Variants in RALGPS2 observed in about 807,000 individuals in gnomAD.
RALGPS2 encodes the protein Ral GEF with PH domain and SH3 binding motif 2.
Under a neutral mutation model 86.8 loss-of-function variants are expected in RALGPS2, and 43 were observed. That is an observed-to-expected ratio of 0.50 (90% CI 0.39 to 0.64). The LOEUF is 0.64. Among genes scored for constraint, RALGPS2 ranks in the 30% least tolerant of loss-of-function variants. The pLI, the probability that RALGPS2 is intolerant of heterozygous loss-of-function variation, is 0.00. For missense variants in RALGPS2, 536 were observed against 694.6 expected (o/e 0.77, Z 2.57); for synonymous variants, 243 against 231.3 (o/e 1.05, Z -0.46).
intron 11 of RALGPS2, 127 bp from the exon 12 acceptor site, chr1:178,884,949 T>C (rs1275446603): frequency 5.4e-6 from 5 of 919,390 alleles, no homozygotes; most frequent in Non-Finnish European, 6.1e-6. Context: ...ATATTTCTCA[T>C]CTTCAAGCCA....
intron 7 of RALGPS2, among the ~76,000 whole-genome samples, chr1:178,832,370 T>C (rs1044722215): frequency 2.0e-5 from 3 of 152,154 alleles, no homozygotes; most frequent in Admixed American, 6.5e-5. Context: ...GTACTACTTA[T>C]AATACTAGAA....
chr1:178,762,935 A>G (rs957666907), intron 1 of RALGPS2, among the ~76,000 whole-genome samples: 1 of 151,992 alleles, frequency 6.6e-6, no homozygotes, highest in Non-Finnish European at 1.5e-5. Context: ...CCAGAATGGT[A>G]TTTCCTAGGT....
intron 5 of RALGPS2, among the ~76,000 whole-genome samples, chr1:178,810,807 G>C (rs1005542229): frequency 6.6e-6 from 1 of 151,896 alleles, no homozygotes; most frequent in African/African-American, 2.4e-5. Flanking sequence ...ACTATATTCT[G>C]TATTTAGATT....
chr1:178,881,495 T>G (rs1659245589), intron 10 of RALGPS2, among the ~76,000 whole-genome samples: 2 of 152,132 alleles, frequency 1.3e-5, no homozygotes, highest in South Asian at 2.1e-4. Flanking sequence ...TGTTTCCCAG[T>G]TTGGAGGGCA....
chr1:178,743,246 A>G (rs578015014), intron 1 of RALGPS2, among the ~76,000 whole-genome samples: 147 of 152,306 alleles, frequency 9.7e-4, no homozygotes, highest in African/African-American at 3.4e-3. Flanking sequence ...GTGGGATACT[A>G]TTGAAGTAGA....
intron 8 of RALGPS2, among the ~76,000 whole-genome samples, chr1:178,844,999 G>A (rs1656797984): frequency 6.6e-6 from 1 of 151,316 alleles, no homozygotes; most frequent in African/African-American, 2.4e-5. Context: ...GGCCAACATG[G>A]CAAAACCACG....
Position 178,764,162 on chromosome 1 carries a change from GTA to G in RALGPS2, c.-83-12514_-83-12513del, listed in dbSNP as rs1429479172. ...CTGGCTGCTCCTGTTTTGGGTGTGTGTATATATTTAGAATAGTTAGGTCTTGT... is the reference window on the plus strand; with the variant it reads ...CTGGCTGCTCCTGTTTTGGGTGTGTGTATATTTAGAATAGTTAGGTCTTGT... On this transcript the variant is annotated intron_variant, in intron 1 of 19. Transcript: ENST00000367635. Among the ~76,000 whole-genome samples the G allele has an allele frequency of 9.4e-5, 13 of 138,898 alleles. No individual in the cohort carries two copies. The South Asian group carries it at 1.6e-3, about 17-fold the overall frequency. The allele number at this position is 138,898 out of a possible 152,430, so 91.1% of individuals were successfully genotyped here. A position where few individuals can be genotyped will look rare whatever the true frequency, so the allele number is the denominator to read the frequency against.
At chr1:178,865,737 G>T in intron 8 of RALGPS2, 1 of 1,612,528 alleles carries the variant, frequency 6.2e-7, no homozygotes. Flanking sequence ...TCCACTAGTA[G>T]GAAGAATAGC....
intron 4 of RALGPS2, among the ~76,000 whole-genome samples, chr1:178,788,394 T>C (rs192133085): frequency 6.6e-6 from 1 of 152,282 alleles, no homozygotes; most frequent in South Asian, 2.1e-4. Context: ...GGATCTGATA[T>C]TTGGGTGAGG....
At position 178,919,128 on chromosome 1, in the gene RALGPS2, C is replaced by T. The variant is rs537293793; in HGVS notation, c.*2769C>T. The T allele has an allele frequency of 6.6e-6, 1 of 152,156 alleles. No individual in the cohort carries two copies. The highest frequency in any genetic ancestry group is 2.4e-5 in the African/African-American group (1 of 41,552). 9.4% of individuals were successfully genotyped at this position (152,156 alleles called of 1,614,324 possible). Reference sequence around the variant, plus strand: ...GCCTCGTGCCCGCTCTGTTCAGGCTCTGCTTGTTTTTCAGAATATGATTTT... The same window carrying T: ...GCCTCGTGCCCGCTCTGTTCAGGCTTTGCTTGTTTTTCAGAATATGATTTT... On this transcript the variant is annotated 3_prime_UTR_variant, in exon 20 of 20. Coordinates refer to ENST00000367635, the MANE Select transcript of RALGPS2 (RefSeq NM_152663.5).
At chr1:178,911,638 G>A (rs1278321319) in intron 19 of RALGPS2, among the ~76,000 whole-genome samples, 10 of 152,280 alleles carry the variant, frequency 6.6e-5, no homozygotes, top group Admixed American at 6.5e-4. Context: ...CAAGCATGTG[G>A]TTGATCTTAG....
At chr1:178,801,736 C>T (rs925561049) in intron 4 of RALGPS2, among the ~76,000 whole-genome samples, 3 of 145,876 alleles carry the variant, frequency 2.1e-5, no homozygotes, top group East Asian at 2.2e-4. Context: ...CTAAGAGTTT[C>T]GAGATATGGA....
intron 12 of RALGPS2, chr1:178,885,754 T>C (rs1453830700): frequency 2.7e-6 from 1 of 370,476 alleles, no homozygotes; most frequent in Non-Finnish European, 4.7e-6. Flanking sequence ...ACACGAGGCT[T>C]AAAATGAAAT....
chr1:178,910,210 G>A lies in RALGPS2; in HGVS notation c.1722+3343G>A, dbSNP rs34589902. On this transcript the variant is annotated intron_variant, in intron 19 of 19. Coordinates refer to ENST00000367635, the MANE Select transcript of RALGPS2 (RefSeq NM_152663.5). ...CATAACATCATATAGTCTGAAGAGA[G>A]ATGGTTTGACTTCCTCTTTCTATTT... Among the ~76,000 whole-genome samples, 1,104 of 152,250 alleles carry A rather than the reference G, an allele frequency of 7.3e-3. 4 individuals carry two copies. The highest frequency in any genetic ancestry group is 0.013 in the Non-Finnish European group (870 of 68,004).
In RALGPS2 at chr1:178,793,800, T is replaced by C. The variant is rs185493688; in HGVS notation, c.213+8193T>C. On this transcript the variant is annotated intron_variant, in intron 4 of 19. Coordinates refer to ENST00000367635, the MANE Select transcript of RALGPS2 (RefSeq NM_152663.5). ...ATTGTTTATCATTTTGGAGTCGTTT[T>C]TGCAGAAGTGTTATCCACCCAATGT... 3.0e-3 allele frequency among the ~76,000 whole-genome samples: 456 copies of C among 152,304 alleles called. 1 individual carries two copies. The highest frequency in any genetic ancestry group is 0.011 in the African/African-American group (448 of 41,570).
chr1:178,861,823 A>G (rs1212077513), intron 8 of RALGPS2, among the ~76,000 whole-genome samples: 1 of 152,094 alleles, frequency 6.6e-6, no homozygotes, highest in African/African-American at 2.4e-5. Flanking sequence ...GGGTCACTTT[A>G]TACACTGCAT....
At chr1:178,764,684 TC>T (rs1652408626) in intron 1 of RALGPS2, among the ~76,000 whole-genome samples, 1 of 152,242 alleles carries the variant, frequency 6.6e-6, no homozygotes, top group Non-Finnish European at 1.5e-5. Context: ...CATTTGCTTT[TC>T]TGAAACAGAT....
intron 8 of RALGPS2, among the ~76,000 whole-genome samples, chr1:178,847,400 T>C (rs1214150778): frequency 6.6e-6 from 1 of 152,002 alleles, no homozygotes; most frequent in Non-Finnish European, 1.5e-5. Flanking sequence ...GAGCCGAGAT[T>C]GTGCCATTGC....
intron 12 of RALGPS2, 99 bp downstream of exon 12, chr1:178,885,310 T>G (rs1659436669): frequency 1.7e-6 from 2 of 1,176,630 alleles, no homozygotes; most frequent in Non-Finnish European, 2.3e-6. Flanking sequence ...CCTTGAATAG[T>G]TTTCTTTTTT....
Sources: gnomAD v4.1 joint callset for allele counts (sites outside exome capture counted in the v4.1 genomes callset) on GRCh38, gnomAD v4.1.1 for gene constraint, MANE v1.5 for transcripts, NCBI Gene and HGNC (gene_info 2026-07-23, HGNC 2026-07-21) for gene names.